C12orf42: variants seen among roughly 807,000 people sequenced by gnomAD.
C12orf42 encodes the protein chromosome 12 open reading frame 42, also known as uncharacterized protein C12orf42.
Under a neutral mutation model 21.6 loss-of-function variants are expected in C12orf42, and 25 were observed. That is an observed-to-expected ratio of 1.16 (90% confidence interval 0.84 to 1.62). The LOEUF (loss-of-function observed/expected upper bound fraction) is 1.62, where lower values mean the gene tolerates loss of function less well. Ranked by LOEUF, C12orf42 falls within the 40% of genes most tolerant of loss-of-function variation. The probability of loss-of-function intolerance (pLI) is 0.00; values close to 1 mark genes in which losing one functional copy is unlikely to be tolerated. For synonymous variants in C12orf42, 174 were observed against 175.0 expected, an observed-to-expected ratio of 0.99 and a Z score of 0.05; for missense variants, 483 against 459.3, an observed-to-expected ratio of 1.05 and a Z score of -0.47.
At chr12:103,552,419 A>C in the C12orf42 span, among the ~76,000 whole-genome samples, 1 of 152,212 alleles carries the variant, frequency 6.6e-6, no homozygotes. Flanking sequence ...CACAAAAGGA[A>C]TTTTCATCAA....
At chr12:103,542,073 G>C in the C12orf42 span, among the ~76,000 whole-genome samples, 1 of 152,222 alleles carries the variant, frequency 6.6e-6, no homozygotes, top group African/African-American at 2.4e-5. Context: ...GCCTACATCA[G>C]ATATGGAGAA....
chr12:103,192,264 G>GGA, the C12orf42 span, among the ~76,000 whole-genome samples: 1 of 151,988 alleles, frequency 6.6e-6, no homozygotes, highest in South Asian at 2.1e-4. Context: ...CAGAACTTTG[G>GGA]GAGACTGAGG....
At chr12:103,392,549 G>A (rs535196991) in intron 3 of C12orf42, among the ~76,000 whole-genome samples, 1 of 152,144 alleles carries the variant, frequency 6.6e-6, no homozygotes, top group Admixed American at 6.5e-5. Flanking sequence ...TGCCTTCTTG[G>A]TTAAATTTAT....
chr12:103,527,842 T>C, the C12orf42 span, among the ~76,000 whole-genome samples: 1 of 152,232 alleles, frequency 6.6e-6, no homozygotes, highest in Admixed American at 6.5e-5. Flanking sequence ...CTGCTCCTAC[T>C]TCTACCCACT....
the C12orf42 span, among the ~76,000 whole-genome samples, chr12:103,561,760 C>G: frequency 6.6e-6 from 1 of 152,216 alleles, no homozygotes; most frequent in Non-Finnish European, 1.5e-5. Context: ...CCATTGCCAC[C>G]TGGCTCCTGG....
At chr12:103,382,928 A>C (rs552852516) in intron 3 of C12orf42, among the ~76,000 whole-genome samples, 2 of 152,218 alleles carry the variant, frequency 1.3e-5, no homozygotes, top group South Asian at 4.2e-4. Flanking sequence ...TGATTAACCC[A>C]ACAAACCAAC....
At chr12:103,422,113 G>T (rs568221214) in intron 2 of C12orf42, among the ~76,000 whole-genome samples, 117 of 152,262 alleles carry the variant, frequency 7.7e-4, no homozygotes, top group African/African-American at 2.8e-3. Flanking sequence ...GGATAAATCT[G>T]ATTGAAAGCC....
chr12:103,437,399 A>C (rs2139468109), intron 2 of C12orf42, among the ~76,000 whole-genome samples: 1 of 151,916 alleles, frequency 6.6e-6, no homozygotes, highest in Non-Finnish European at 1.5e-5. Context: ...AGAAATAACT[A>C]AAATCAGAGC....
chr12:103,340,571 T>C (rs1027087125), intron 4 of C12orf42, among the ~76,000 whole-genome samples: 10 of 152,054 alleles, frequency 6.6e-5, no homozygotes, highest in Non-Finnish European at 1.3e-4. Flanking sequence ...GGCAAAAATA[T>C]CCAGCACCCA....
the C12orf42 span, among the ~76,000 whole-genome samples, chr12:103,134,676 A>G: frequency 1.3e-5 from 2 of 152,174 alleles, no homozygotes; most frequent in Non-Finnish European, 2.9e-5. Flanking sequence ...TGAAGAGAAA[A>G]GCATTAGAAA....
At chr12:103,069,960 A>C in the C12orf42 span, among the ~76,000 whole-genome samples, 3 of 152,202 alleles carry the variant, frequency 2.0e-5, no homozygotes, top group Admixed American at 6.5e-5. Flanking sequence ...GCTCAGTCTT[A>C]CTGATTCACC....
chr12:103,166,084 G>C, the C12orf42 span, among the ~76,000 whole-genome samples: 1 of 151,300 alleles, frequency 6.6e-6, no homozygotes, highest in East Asian at 1.9e-4. Context: ...AGAGAAGGAA[G>C]GAAGGAAGGA....
chr12:103,482,390 C>T (rs571530489), intron 1 of C12orf42, among the ~76,000 whole-genome samples: 1 of 152,186 alleles, frequency 6.6e-6, no homozygotes, highest in East Asian at 1.9e-4. Context: ...TTATAGTTTT[C>T]ATTATTTCTG....
At chr12:103,448,378 C>T (rs1951714338) in intron 2 of C12orf42, among the ~76,000 whole-genome samples, 1 of 152,020 alleles carries the variant, frequency 6.6e-6, no homozygotes. Context: ...TAGACATTGG[C>T]TTAGACAAAG....
chr12:103,174,685 A>G, the C12orf42 span, among the ~76,000 whole-genome samples: 1 of 152,150 alleles, frequency 6.6e-6, no homozygotes, highest in Non-Finnish European at 1.5e-5. Flanking sequence ...TAAACAATCG[A>G]AGTATATCAA....
At chr12:103,300,361 A>C (rs763852274), downstream of C12orf42, among the ~76,000 whole-genome samples, 1 of 152,178 alleles carries the variant, frequency 6.6e-6, no homozygotes, top group Non-Finnish European at 1.5e-5. Flanking sequence ...ATATTTATCT[A>C]TGGACTCTCC....
chr12:103,128,620 C>T, the C12orf42 span, among the ~76,000 whole-genome samples: 1 of 152,060 alleles, frequency 6.6e-6, no homozygotes, highest in Admixed American at 6.6e-5. Context: ...AAAATGGGAA[C>T]AACAGTACCT....
the C12orf42 span, among the ~76,000 whole-genome samples, chr12:103,507,220 T>TA: frequency 5.0e-5 from 2 of 39,964 alleles, 1 homozygote; most frequent in Non-Finnish European, 7.0e-5. Flanking sequence ...ATATAATATA[T>TA]AAATATAAAT....
At chr12:103,279,183 C>T (rs879336325) in intron 4 of C12orf42, among the ~76,000 whole-genome samples, 1 of 152,158 alleles carries the variant, frequency 6.6e-6, no homozygotes, top group South Asian at 2.1e-4. Context: ...TTATTATATG[C>T]TTAAAATGCT....
Sources: allele counts gnomAD v4.1 joint callset (sites outside exome capture counted in the v4.1 genomes callset), GRCh38; gene constraint gnomAD v4.1.1; transcripts MANE v1.5; gene names NCBI Gene and HGNC (gene_info 2026-07-23, HGNC 2026-07-21).